The following PPP2R3C variants were observed in gnomAD, a reference collection of about 807,000 sequenced individuals.
The protein encoded by PPP2R3C is serine/threonine-protein phosphatase 2A regulatory subunit B'' subunit gamma.
Under a neutral mutation model 63.7 loss-of-function variants are expected in PPP2R3C, and 47 were observed. That is an observed-to-expected ratio of 0.74 (90% CI 0.58 to 0.94). The LOEUF is 0.94. Ranked by LOEUF, PPP2R3C falls within the 40% of genes least tolerant of loss-of-function variation. The pLI, the probability that PPP2R3C is intolerant of heterozygous loss-of-function variation, is 0.00. For synonymous variants in PPP2R3C, 180 were observed against 177.4 expected (o/e 1.01, Z -0.12); for missense variants, 421 against 518.4 (o/e 0.81, Z 1.82).
rs34769087 is a variant in PPP2R3C, at chr14:35,119,039, C to CTT, written c.59-2304_59-2303dup. 5.2e-4 allele frequency among the ~76,000 whole-genome samples: 70 copies of CTT among 135,072 alleles called. 1 individual carries two copies. Among genetic ancestry groups the CTT allele is most frequent in the East Asian group, 1.3e-3 (6 of 4,564 alleles). The allele number at this position is 135,072 out of a possible 152,430, so 88.6% of individuals were successfully genotyped here. On this transcript the variant is annotated intron_variant, in intron 1 of 12. Coordinates refer to ENST00000261475, the MANE Select transcript of PPP2R3C (RefSeq NM_017917.4). ...TGGAGAGGGATGTGGGATCAAATGA[C>CTT]TTTTTTTTTTTTTTTTGAGATGTAG... is the stretch of plus-strand genomic sequence containing the variant.
intron 2 of PPP2R3C, among the ~76,000 whole-genome samples, chr14:35,114,140 T>C (rs1566426102): frequency 6.6e-6 from 1 of 152,078 alleles, no homozygotes; most frequent in Non-Finnish European, 1.5e-5. Flanking sequence ...GAGTGTGAAA[T>C]GCAAAAAGCA....
Position 35,108,346 on chromosome 14 carries a change from AAT to A in PPP2R3C, c.405-112_405-111del, listed in dbSNP as rs545564978. 777 of 1,304,004 alleles carry A rather than the reference AAT, an allele frequency of 6.0e-4. 4 individuals carry two copies. In the African/African-American group the frequency reaches 0.011, roughly 19 times the overall value. 80.8% of individuals were successfully genotyped at this position (1,304,004 alleles called of 1,614,324 possible). ...TTCATACAATTAAAAATGAAAGAAC[AAT>A]AGAGACTCCTTATAATTCAAAAACT... On this transcript the variant is annotated intron_variant, in intron 4 of 12. Coordinates refer to ENST00000261475, the MANE Select transcript of PPP2R3C (RefSeq NM_017917.4).
Position 35,116,709 on chromosome 14 carries a change from A to T in PPP2R3C, c.87T>A (p.Asp29Glu). The change falls in exon 2 of 13, where the codon GAT (aspartate) becomes GAA (glutamate). Residue 29 changes from aspartate to glutamate, a missense_variant. Physicochemically the swap from Asp to Glu is conservative, Grantham distance 45. Around this residue, in one of 3 missense-constraint regions of PPP2R3C, gnomAD observed 143 missense variants for 151.2 expected, o/e 0.95. Transcript: ENST00000261475. Reference sequence around the variant, plus strand: ...ATTTTGTAAATAAATCCATTTCTTCATCTTTTAATTCTTGTTCACTTTTTT... The same window carrying T: ...ATTTTGTAAATAAATCCATTTCTTCTTCTTTTAATTCTTGTTCACTTTTTT... ...NKKKSEQELK[D>E]EEMDLFTKYY... 6.3e-7 allele frequency: 1 copy of T among 1,593,766 alleles called. No individual in the cohort carries two copies. The highest frequency in any genetic ancestry group is 8.6e-7 in the Non-Finnish European group (1 of 1,169,138).
intron 6 of PPP2R3C, chr14:35,101,381 T>C (rs2046185168): frequency 6.6e-6 from 1 of 152,204 alleles, no homozygotes; most frequent in Non-Finnish European, 1.5e-5. Context: ...GGAGGGCAAG[T>C]GTCCAGTCTA....
intron 10 of PPP2R3C, among the ~76,000 whole-genome samples, chr14:35,092,533 C>CCTGGCTCACCACAACCT (rs2045855309): frequency 6.6e-6 from 1 of 152,168 alleles, no homozygotes; most frequent in Middle Eastern, 3.4e-3. Context: ...ATGGCGCGAT[C>CCTGGCTCACCACAACCT]CTGGCTCACC....
At chr14:35,103,009 C>A (rs2046247550) in intron 6 of PPP2R3C, among the ~76,000 whole-genome samples, 1 of 152,166 alleles carries the variant, frequency 6.6e-6, no homozygotes, top group South Asian at 2.1e-4. Context: ...ATCCACCTGC[C>A]TCGGCCTCCC....
chr14:35,088,949 A>G (rs370846596), intron 11 of PPP2R3C, among the ~76,000 whole-genome samples: 1 of 152,238 alleles, frequency 6.6e-6, no homozygotes, highest in Non-Finnish European at 1.5e-5. Context: ...AGAAATCTTT[A>G]TGAAAAAGAG....
chr14:35,113,535 T>A (rs2046625796), intron 2 of PPP2R3C, among the ~76,000 whole-genome samples: 1 of 152,134 alleles, frequency 6.6e-6, no homozygotes. Context: ...CTGTTAGGAA[T>A]GAGACAGAGT....
At position 35,096,693 on chromosome 14, in the gene PPP2R3C, G is replaced by C; in HGVS notation, c.762+16C>G. ...AACTGTCAAGTGATACAATTAAGTA[G>C]TTTAAAAACATTTACCTCCAATAAA... On this transcript the variant is annotated intron_variant, in intron 8 of 12. Coordinates refer to ENST00000261475, the MANE Select transcript of PPP2R3C (RefSeq NM_017917.4). 6.2e-7 allele frequency: 1 copy of C among 1,604,600 alleles called. No individual in the cohort carries two copies. Among genetic ancestry groups the C allele is most frequent in the Non-Finnish European group, 8.5e-7 (1 of 1,176,504 alleles).
intron 12 of PPP2R3C, chr14:35,086,408 AG>A (rs2045595522): frequency 6.6e-6 from 1 of 151,880 alleles, no homozygotes; most frequent in African/African-American, 2.4e-5. Context: ...CATATTGGCC[AG>A]GCTGGTCTCA....
chr14:35,090,711 ATTTT>A (rs35890780), intron 11 of PPP2R3C, among the ~76,000 whole-genome samples: 10 of 110,330 alleles, frequency 9.1e-5, no homozygotes, highest in East Asian at 7.0e-4. Flanking sequence ...GCATCTCACA[ATTTT>A]TTTTTTTTTT....
At position 35,110,040 on chromosome 14, in the gene PPP2R3C, A is replaced by G. The variant is rs567757926; in HGVS notation, c.292-109T>C. The G allele has an allele frequency of 1.4e-5, 11 of 765,862 alleles. 1 individual carries two copies. The South Asian group carries it at 1.5e-4, about 11-fold the overall frequency. The allele number at this position is 765,862 out of a possible 1,614,324, so 47.4% of individuals were successfully genotyped here. On this transcript the variant is annotated intron_variant, in intron 3 of 12. Coordinates refer to ENST00000261475, the MANE Select transcript of PPP2R3C (RefSeq NM_017917.4). ...AAATGAGAGTTTGTTGGCAGAGTCA[A>G]TATTAAGATGAATCTCATGCCCTAT... is the stretch of plus-strand genomic sequence containing the variant.
At chr14:35,089,025 AG>A (rs760368310) in intron 11 of PPP2R3C, among the ~76,000 whole-genome samples, 3 of 152,182 alleles carry the variant, frequency 2.0e-5, no homozygotes, top group Non-Finnish European at 2.9e-5. Flanking sequence ...GTTTGTCTAA[AG>A]TAGGGGCATT....
chr14:35,122,234 T>A, upstream of PPP2R3C: 1 of 465,344 alleles, frequency 2.1e-6, no homozygotes, highest in Non-Finnish European at 4.0e-6. Flanking sequence ...AGCCGGATTT[T>A]AAAGGCCACG....
chr14:35,119,902 G>C (rs962454403), intron 1 of PPP2R3C, among the ~76,000 whole-genome samples: 9 of 146,884 alleles, frequency 6.1e-5, no homozygotes, highest in African/African-American at 2.0e-4. Flanking sequence ...CCAGGCTGGA[G>C]TGCAGTGGCA....
intron 6 of PPP2R3C, among the ~76,000 whole-genome samples, chr14:35,105,808 T>C (rs1053763106): frequency 2.0e-5 from 3 of 152,126 alleles, no homozygotes; most frequent in Non-Finnish European, 4.4e-5. Context: ...TATGTGAATA[T>C]GGACAGTTAG....
chr14:35,100,862 A>C (rs1343010965), intron 6 of PPP2R3C: 1 of 152,190 alleles, frequency 6.6e-6, no homozygotes, highest in Non-Finnish European at 1.5e-5. Flanking sequence ...CGAACTCTTG[A>C]GCTCAAGCTA....
intron 10 of PPP2R3C, among the ~76,000 whole-genome samples, chr14:35,093,105 C>T (rs1229550046): frequency 2.0e-5 from 3 of 151,928 alleles, no homozygotes; most frequent in Non-Finnish European, 4.4e-5. Flanking sequence ...CCCAGCTACT[C>T]GGGAGGCTGA....
At chr14:35,093,483 G>A (rs937430449) in intron 10 of PPP2R3C, among the ~76,000 whole-genome samples, 1 of 151,958 alleles carries the variant, frequency 6.6e-6, no homozygotes, top group African/African-American at 2.4e-5. Flanking sequence ...ACAGCTGTGG[G>A]AGTTACAAAG....
Sources: gnomAD v4.1 joint callset for allele counts (sites outside exome capture counted in the v4.1 genomes callset) on GRCh38, gnomAD v4.1.1 for gene constraint, gnomAD v4.1.1 regional missense constraint, MANE v1.5 for transcripts, NCBI Gene and HGNC (gene_info 2026-07-23, HGNC 2026-07-21) for gene names.